OLFM1: variants seen among roughly 807,000 people sequenced by gnomAD.
OLFM1 encodes noelin.
Under a neutral mutation model 49.7 loss-of-function variants are expected in OLFM1, and 9 were observed. That is an observed-to-expected ratio of 0.18 (90% CI 0.11 to 0.32). The LOEUF (loss-of-function observed/expected upper bound fraction) is 0.32, where lower values mean the gene tolerates loss of function less well. OLFM1 is among the 10% of genes least tolerant of loss of function. The probability of loss-of-function intolerance (pLI) is 1.00; values close to 1 mark genes in which losing one functional copy is unlikely to be tolerated. For missense variants in OLFM1, 369 were observed against 661.8 expected, an observed-to-expected ratio of 0.56 and a Z score of 4.85; for synonymous variants, 240 against 271.8, an observed-to-expected ratio of 0.88 and a Z score of 1.15.
chr9:135,098,253 A>G lies in OLFM1; in HGVS notation c.457-33A>G. The G allele has an allele frequency of 6.2e-7, 1 of 1,607,938 alleles. No individual in the cohort carries two copies. The highest frequency in any genetic ancestry group is 8.5e-7 in the Non-Finnish European group (1 of 1,175,322). ...GCAGGGTGTGAGAGTTCTTGCATGC[A>G]TCGCACTGAACCAGCTTATTTTAAC... On this transcript the variant is annotated intron_variant, in intron 3 of 5. Coordinates refer to ENST00000371793, the MANE Select transcript of OLFM1 (RefSeq NM_001282611.2). The surrounding 1 kb of genome is among the most constrained non-coding windows in gnomAD (Gnocchi z 5.6).
intron 5 of OLFM1, among the ~76,000 whole-genome samples, chr9:135,111,573 G>A (rs755890991): frequency 6.6e-6 from 1 of 152,118 alleles, no homozygotes; most frequent in Non-Finnish European, 1.5e-5. Context: ...GCGGAGCTTG[G>A]GGACATCAGA....
upstream of OLFM1, chr9:135,087,646 G>T: frequency 3.6e-6 from 2 of 555,540 alleles, no homozygotes; most frequent in East Asian, 8.1e-5. Flanking sequence ...CGCGGCCCCC[G>T]CGCGCAGCCC....
intron 5 of OLFM1, among the ~76,000 whole-genome samples, chr9:135,108,974 C>T (rs1830985000): frequency 1.3e-5 from 2 of 152,148 alleles, no homozygotes; most frequent in African/African-American, 4.8e-5. Context: ...TCTGGCCCAC[C>T]CCACTATGCA....
At chr9:135,076,047 T>C (rs1390764926) in intron 1 of OLFM1, 2 of 1,444,888 alleles carry the variant, frequency 1.4e-6, no homozygotes, top group East Asian at 2.6e-5. Flanking sequence ...AGCTGCCCCC[T>C]TTTTCCTAGG....
Position 135,080,047 on chromosome 9 carries a change from T to C in OLFM1, c.96+4245T>C, listed in dbSNP as rs1830513293. On this transcript the variant is annotated intron_variant, in intron 1 of 5. Transcript: ENST00000252854. This position sits in a 1 kb window ranked among gnomAD's most constrained non-coding sequence, Gnocchi z 4.5. Reference sequence around the variant, plus strand: ...GCAGACGAGAAGACCAGGGAGGTGATGCTGACTTAGGCTTTCAGAGAACCC... The same window carrying C: ...GCAGACGAGAAGACCAGGGAGGTGACGCTGACTTAGGCTTTCAGAGAACCC... 6.6e-6 allele frequency among the ~76,000 whole-genome samples: 1 copy of C among 151,986 alleles called. No homozygotes were observed. Among genetic ancestry groups the C allele is most frequent in the South Asian group, 2.1e-4 (1 of 4,804 alleles).
Position 135,120,784 on chromosome 9 carries a change from G to T in OLFM1, c.*606G>T, listed in dbSNP as rs117689876. On this transcript the variant is annotated 3_prime_UTR_variant, in exon 6 of 6. Coordinates refer to ENST00000371793, the MANE Select transcript of OLFM1 (RefSeq NM_001282611.2). ...CACATTGTTTGAACTCGCGTACCCCGTAGATACATTGTGCAACGTTCTTCT... is the reference window on the plus strand; with the variant it reads ...CACATTGTTTGAACTCGCGTACCCCTTAGATACATTGTGCAACGTTCTTCT... 2,102 of 153,264 alleles carry T rather than the reference G, an allele frequency of 0.014. 28 individuals carry two copies. Among genetic ancestry groups the T allele is most frequent in the Middle Eastern group, 0.017 (5 of 294 alleles). The allele number at this position is 153,264 out of a possible 1,614,324, so 9.5% of individuals were successfully genotyped here.
intron 2 of OLFM1, among the ~76,000 whole-genome samples, chr9:135,091,897 T>TCACACACACA (rs56288353): frequency 8.8e-5 from 13 of 147,114 alleles, no homozygotes; most frequent in Admixed American, 1.3e-4. Context: ...TCACACATAG[T>TCACACACACA]CACACACACA....
chr9:135,118,968 G>A (rs1021776110), intron 5 of OLFM1, among the ~76,000 whole-genome samples: 2 of 147,402 alleles, frequency 1.4e-5, no homozygotes, highest in African/African-American at 2.5e-5. Flanking sequence ...CTTTGGAAAT[G>A]CTCGCCGGGT....
At position 135,082,287 on chromosome 9, in the gene OLFM1, T is replaced by A. The variant is rs572852879; in HGVS notation, c.96+6485T>A. On this transcript the variant is annotated intron_variant, in intron 1 of 5. Transcript: ENST00000252854. ...CAGATCAGCAGTTCACAGCATCGCT[T>A]TGGGCCGTCCCTAAAGTGGTTCCAT... 1.1e-4 allele frequency among the ~76,000 whole-genome samples: 17 copies of A among 152,284 alleles called. No homozygotes were observed. The South Asian group carries it at 3.3e-3, about 30-fold the overall frequency.
At chr9:135,091,444 T>C (rs1240825582) in intron 2 of OLFM1, among the ~76,000 whole-genome samples, 1 of 141,380 alleles carries the variant, frequency 7.1e-6, no homozygotes, top group Admixed American at 6.8e-5. Context: ...CACTCACACA[T>C]AGTCACACAC....
chr9:135,084,023 C>T (rs1178411375), upstream of OLFM1, among the ~76,000 whole-genome samples: 5 of 152,226 alleles, frequency 3.3e-5, no homozygotes, highest in South Asian at 6.2e-4. This position sits in a 1 kb window ranked among gnomAD's most constrained non-coding sequence, Gnocchi z 4.6. Context: ...GGAGCAGTTA[C>T]GCCTCCACCC....
At chr9:135,084,784 C>T (rs1416167520), upstream of OLFM1, among the ~76,000 whole-genome samples, 1 of 152,138 alleles carries the variant, frequency 6.6e-6, no homozygotes, top group Non-Finnish European at 1.5e-5. The surrounding 1 kb of genome is among the most constrained non-coding windows in gnomAD (Gnocchi z 4.6). Flanking sequence ...GACCTGCTTC[C>T]CTCCAAGCAG....
At chr9:135,082,587 A>G (rs1349681832) in intron 1 of OLFM1, among the ~76,000 whole-genome samples, 2 of 152,192 alleles carry the variant, frequency 1.3e-5, no homozygotes, top group Non-Finnish European at 2.9e-5. Context: ...TTGGCTGTCA[A>G]CTTGAGTCCT....
At chr9:135,099,909 TTAA>T (rs745350476) in intron 4 of OLFM1, among the ~76,000 whole-genome samples, 16 of 152,288 alleles carry the variant, frequency 1.1e-4, no homozygotes, top group South Asian at 2.1e-4. Flanking sequence ...GGTGTGAATG[TTAA>T]TGATGATAGG....
At chr9:135,097,100 A>C (rs1830810056) in intron 3 of OLFM1, among the ~76,000 whole-genome samples, 1 of 152,106 alleles carries the variant, frequency 6.6e-6, no homozygotes, top group African/African-American at 2.4e-5. Flanking sequence ...CTGCTGGTGT[A>C]CTCTGTCTCT....
At chr9:135,116,316 AGC>A in intron 5 of OLFM1, among the ~76,000 whole-genome samples, 1 of 152,134 alleles carries the variant, frequency 6.6e-6, no homozygotes, top group Non-Finnish European at 1.5e-5. Context: ...AAACGCTCAG[AGC>A]GGCCTCCCCT....
At chr9:135,087,198 CT>C, upstream of OLFM1, 1 of 1,392,598 alleles carries the variant, frequency 7.2e-7, no homozygotes, top group South Asian at 1.6e-5. Context: ...AGTCTGGCTG[CT>C]TTTCGGAGCC....
intron 5 of OLFM1, among the ~76,000 whole-genome samples, chr9:135,114,065 G>C (rs1831060718): frequency 6.6e-6 from 1 of 150,398 alleles, no homozygotes; most frequent in Non-Finnish European, 1.5e-5. Flanking sequence ...CTCTTATAAG[G>C]ACACTTGTCA....
rs1831057887 is a variant in OLFM1, at chr9:135,113,900, CCAGGGCGCCTG to C, written c.784-5597_784-5587del. Among the ~76,000 whole-genome samples, 3 of 152,284 alleles carry C rather than the reference CCAGGGCGCCTG, an allele frequency of 2.0e-5. No individual in the cohort carries two copies. Among genetic ancestry groups the C allele is most frequent in the Non-Finnish European group, 1.5e-5 (1 of 68,024 alleles). ...AGTGCTGGAGGCTGGAAGCCCCAGA[CCAGGGCGCCTG>C]CAGGGCTGCGCTCTGAAGATGCCAG... On this transcript the variant is annotated intron_variant, in intron 5 of 5. Coordinates refer to ENST00000371793, the MANE Select transcript of OLFM1 (RefSeq NM_001282611.2). The surrounding 1 kb of genome is among the most constrained non-coding windows in gnomAD (Gnocchi z 4.0).
Sources: allele counts gnomAD v4.1 joint callset (sites outside exome capture counted in the v4.1 genomes callset), GRCh38; gene constraint gnomAD v4.1.1; non-coding constraint Gnocchi (gnomAD v3.1); transcripts MANE v1.5; gene names NCBI Gene and HGNC (gene_info 2026-07-23, HGNC 2026-07-21).